Variants in LRMDA observed in about 807,000 individuals in gnomAD.
LRMDA encodes leucine rich melanocyte differentiation associated, also known as leucine-rich melanocyte differentiation-associated protein.
Under a neutral mutation model 29.8 loss-of-function variants are expected in LRMDA, and 18 were observed. The ratio of observed to expected loss-of-function variants is 0.60; its 90% CI spans 0.42 to 0.90. The LOEUF (loss-of-function observed/expected upper bound fraction) is 0.90, where lower values mean the gene tolerates loss of function less well. LRMDA is among the 40% of genes least tolerant of loss of function. The pLI is 0.00. For synonymous variants in LRMDA, 125 were observed against 109.4 expected (o/e 1.14, Z -0.89); for missense variants, 273 against 273.9 (o/e 1.00, Z 0.02).
intron 6 of LRMDA, among the ~76,000 whole-genome samples, chr10:76,412,008 C>T (rs1841967181): frequency 2.0e-5 from 3 of 152,318 alleles, no homozygotes; most frequent in South Asian, 4.1e-4. Flanking sequence ...ATTTACAAGG[C>T]GCCAGCCTCT....
chr10:76,356,425 C>A (rs1277184964), intron 6 of LRMDA, among the ~76,000 whole-genome samples: 1 of 152,270 alleles, frequency 6.6e-6, no homozygotes, highest in East Asian at 1.9e-4. Flanking sequence ...TGCTTAGTAA[C>A]CCCTGTGTTT....
chr10:75,852,551 C>A (rs1017145281), intron 2 of LRMDA, among the ~76,000 whole-genome samples: 18 of 151,058 alleles, frequency 1.2e-4, no homozygotes, highest in African/African-American at 1.7e-4. Flanking sequence ...ACAAAAAAAA[C>A]AACAAAAAAA....
intron 5 of LRMDA, among the ~76,000 whole-genome samples, chr10:76,129,539 G>A (rs1274730918): frequency 2.8e-4 from 43 of 152,186 alleles, no homozygotes; most frequent in Non-Finnish European, 4.4e-5. Context: ...CTCCCTAGAG[G>A]ATGTGCACAT....
chr10:76,016,170 A>G (rs1470717254), intron 2 of LRMDA, among the ~76,000 whole-genome samples: 1 of 152,200 alleles, frequency 6.6e-6, no homozygotes, highest in Non-Finnish European at 1.5e-5. Context: ...GATAAAAGCA[A>G]CTGCAATGGA....
chr10:75,641,790 GAT>G (rs1361871785), intron 2 of LRMDA, among the ~76,000 whole-genome samples: 1 of 152,032 alleles, frequency 6.6e-6, no homozygotes, highest in Admixed American at 6.6e-5. Flanking sequence ...CTACCAGAAA[GAT>G]AAATATCCAA....
Position 76,370,735 on chromosome 10 carries a change from G to A in LRMDA, c.601+46250G>A, listed in dbSNP as rs151064122. On this transcript the variant is annotated intron_variant, in intron 6 of 6. Transcript: ENST00000611255. ...AATTAAACTTAACATAGGTCTGAAT[G>A]TATAGGAAAAACATAGTATACATAC... Among the ~76,000 whole-genome samples, 471 of 152,166 alleles carry A rather than the reference G, an allele frequency of 3.1e-3. 4 individuals are homozygous for A. Among genetic ancestry groups the A allele is most frequent in the African/African-American group, 0.011 (441 of 41,518 alleles).
intron 2 of LRMDA, among the ~76,000 whole-genome samples, chr10:75,721,312 T>C (rs1021999561): frequency 5.9e-5 from 9 of 152,320 alleles, no homozygotes; most frequent in African/African-American, 2.2e-4. Context: ...CTGTATGTGA[T>C]GACACAGAGA....
chr10:75,995,157 C>T (rs1434085283), intron 2 of LRMDA, among the ~76,000 whole-genome samples: 1 of 152,220 alleles, frequency 6.6e-6, no homozygotes, highest in Non-Finnish European at 1.5e-5. Flanking sequence ...CAGAGGGCAG[C>T]TGCCCTGTGA....
At chr10:76,074,195 G>A (rs1564645988) in intron 5 of LRMDA, among the ~76,000 whole-genome samples, 1 of 152,180 alleles carries the variant, frequency 6.6e-6, no homozygotes, top group African/African-American at 2.4e-5. Flanking sequence ...GATTTGGAAA[G>A]CAAATCAAAC....
intron 6 of LRMDA, among the ~76,000 whole-genome samples, chr10:76,518,054 A>G (rs1454364992): frequency 1.3e-5 from 2 of 151,738 alleles, no homozygotes; most frequent in African/African-American, 4.8e-5. Flanking sequence ...AACCATCACA[A>G]TCACTAAATG....
chr10:76,532,184 ACCC>A, intron 6 of LRMDA, among the ~76,000 whole-genome samples: 1 of 150,684 alleles, frequency 6.6e-6, no homozygotes, highest in South Asian at 2.1e-4. Context: ...CTACTCCCAT[ACCC>A]CCCGACAGGC....
chr10:75,498,545 T>C (rs1031554219), intron 2 of LRMDA, among the ~76,000 whole-genome samples: 23 of 152,218 alleles, frequency 1.5e-4, no homozygotes, highest in African/African-American at 5.3e-4. Flanking sequence ...AGCTGGAACC[T>C]TGCATCCAGC....
intron 5 of LRMDA, among the ~76,000 whole-genome samples, chr10:76,130,025 A>AT (rs1180361288): frequency 2.6e-5 from 4 of 152,006 alleles, no homozygotes; most frequent in African/African-American, 7.2e-5. Flanking sequence ...TTTCTTTTGT[A>AT]TTTTGAGGAG....
At chr10:76,261,911 G>A (rs978866628) in intron 5 of LRMDA, among the ~76,000 whole-genome samples, 2 of 152,070 alleles carry the variant, frequency 1.3e-5, no homozygotes, top group Non-Finnish European at 2.9e-5. Context: ...TGGAGTTGTT[G>A]GAGAAGGAAA....
intron 5 of LRMDA, among the ~76,000 whole-genome samples, chr10:76,160,542 G>A (rs1004059554): frequency 1.3e-5 from 2 of 152,096 alleles, no homozygotes; most frequent in African/African-American, 4.8e-5. Context: ...GGGAATAGAT[G>A]TGAGTAGATA....
chr10:75,887,098 A>G (rs1248677793), intron 2 of LRMDA, among the ~76,000 whole-genome samples: 1 of 151,716 alleles, frequency 6.6e-6, no homozygotes, highest in Non-Finnish European at 1.5e-5. Flanking sequence ...GAAATTATGA[A>G]CACAGGGAAC....
chr10:76,141,757 C>T (rs1850205348), intron 5 of LRMDA, among the ~76,000 whole-genome samples: 1 of 152,026 alleles, frequency 6.6e-6, no homozygotes, highest in Non-Finnish European at 1.5e-5. Flanking sequence ...GTCCATCAGC[C>T]CCAAAGCGTA....
intron 2 of LRMDA, among the ~76,000 whole-genome samples, chr10:75,724,221 A>C (rs985760948): frequency 6.6e-6 from 1 of 152,220 alleles, no homozygotes. Context: ...TGTGAGGTTC[A>C]ATTCACTGAA....
chr10:76,031,378 G>A (rs541263256), intron 2 of LRMDA, among the ~76,000 whole-genome samples: 4 of 152,320 alleles, frequency 2.6e-5, no homozygotes, highest in South Asian at 4.1e-4. Flanking sequence ...GAAAGAATAC[G>A]AGTCTAGAGG....
Sources: allele counts gnomAD v4.1 joint callset (sites outside exome capture counted in the v4.1 genomes callset), GRCh38; gene constraint gnomAD v4.1.1; transcripts MANE v1.5; gene names NCBI Gene and HGNC (gene_info 2026-07-23, HGNC 2026-07-21).